Variants in DUSP16 observed in about 807,000 individuals in gnomAD.
The protein encoded by DUSP16 is dual specificity protein phosphatase 16.
A neutral mutation model predicts 58.3 loss-of-function variants in DUSP16; 21 were observed. The ratio of observed to expected loss-of-function variants is 0.36; its 90% confidence interval spans 0.26 to 0.52. The LOEUF is 0.52. Ranked by LOEUF, DUSP16 falls within the 20% of genes least tolerant of loss-of-function variation. The pLI, the probability that DUSP16 is intolerant of heterozygous loss-of-function variation, is 0.94. For missense variants in DUSP16, 726 were observed against 819.0 expected (o/e 0.89, Z 1.39); for synonymous variants, 320 against 323.8 (o/e 0.99, Z 0.12).
intron 3 of DUSP16, among the ~76,000 whole-genome samples, chr12:12,507,180 A>G (rs979061746): frequency 2.0e-5 from 3 of 152,252 alleles, no homozygotes; most frequent in African/African-American, 4.8e-5. Flanking sequence ...AAATGAAAGT[A>G]TATTTACATA....
At chr12:12,494,531 T>G (rs1055242623) in intron 4 of DUSP16, among the ~76,000 whole-genome samples, 7 of 152,048 alleles carry the variant, frequency 4.6e-5, no homozygotes, top group African/African-American at 1.7e-4. Context: ...AAAATGGCAG[T>G]GGAAAACAGG....
chr12:12,494,282 T>C (rs16908167), intron 4 of DUSP16, among the ~76,000 whole-genome samples: 9,713 of 152,292 alleles, frequency 0.064, 440 homozygotes, highest in East Asian at 0.18. Flanking sequence ...GAAGGTGTGT[T>C]TACTTAATGT....
chr12:12,481,143 G>T lies in DUSP16; in HGVS notation c.692-797C>A, dbSNP rs149759731. Among the ~76,000 whole-genome samples the T allele has an allele frequency of 2.6e-3, 393 of 152,324 alleles. 1 individual carries two copies. The highest frequency in any genetic ancestry group is 4.3e-3 in the Non-Finnish European group (294 of 68,028). The stretch of plus-strand genomic sequence containing the variant: ...CAGGTCACTTTAATGAGATCCAAGA[G>T]AACTTTTATCCCTTCCTTGATACCA... On this transcript the variant is annotated intron_variant, in intron 5 of 6. Coordinates refer to ENST00000298573, the MANE Select transcript of DUSP16 (RefSeq NM_030640.3).
At chr12:12,511,761 A>G (rs1302539225) in intron 3 of DUSP16, among the ~76,000 whole-genome samples, 1 of 151,962 alleles carries the variant, frequency 6.6e-6, no homozygotes, top group Non-Finnish European at 1.5e-5. Context: ...CTTTTCCAAT[A>G]TCTTCACCCC....
At position 12,500,559 on chromosome 12, in the gene DUSP16, G is replaced by A; in HGVS notation, c.491C>T (p.Pro164Leu). 1 of 1,611,848 alleles carries A rather than the reference G, an allele frequency of 6.2e-7. No homozygotes were observed. Among genetic ancestry groups the A allele is most frequent in the Non-Finnish European group, 8.5e-7 (1 of 1,179,106 alleles). Residue 164 changes from proline to leucine, a missense_variant, in exon 4 of 7, where the codon CCC becomes CTC. Pro to Leu is a moderately conservative substitution (Grantham distance 98, BLOSUM62 -3). Coordinates refer to ENST00000298573, the MANE Select transcript of DUSP16 (RefSeq NM_030640.3). ...TCGCTGGCAGCCAAGATAAAGATTG[G>A]GAAGAATTCGGGTTGGCCCAATGTT... is the stretch of plus-strand genomic sequence containing the variant. ...VANIGPTRIL[P>L]NLYLGCQRDV...
intron 5 of DUSP16, among the ~76,000 whole-genome samples, chr12:12,485,033 A>G (rs1328595808): frequency 6.9e-6 from 1 of 145,150 alleles, no homozygotes; most frequent in Admixed American, 6.9e-5. Context: ...TTTTTGAGAT[A>G]GAGTTTCACT....
At chr12:12,520,830 G>A (rs1407698745) in intron 2 of DUSP16, 41 bp downstream of exon 2, 3 of 1,600,570 alleles carry the variant, frequency 1.9e-6, no homozygotes, top group Non-Finnish European at 2.6e-6. Flanking sequence ...CTCATTCAGT[G>A]TGTCCATTTA....
chr12:12,549,777 A>T (rs1415979205), intron 1 of DUSP16, among the ~76,000 whole-genome samples: 9 of 59,924 alleles, frequency 1.5e-4, no homozygotes, highest in Admixed American at 1.3e-3. Context: ...CTTTTTTATT[A>T]AAAAAAAAAA....
At chr12:12,499,473 A>G (rs1943879097) in intron 4 of DUSP16, among the ~76,000 whole-genome samples, 1 of 152,214 alleles carries the variant, frequency 6.6e-6, no homozygotes, top group African/African-American at 2.4e-5. Flanking sequence ...TTGAAAAGGC[A>G]GGAGTTTTAA....
chr12:12,498,163 C>T (rs1481011758), intron 4 of DUSP16, among the ~76,000 whole-genome samples: 3 of 151,942 alleles, frequency 2.0e-5, no homozygotes, highest in Non-Finnish European at 4.4e-5. Context: ...GTATAAATCA[C>T]GAAGTTCAGC....
chr12:12,485,651 C>T (rs890646156), intron 5 of DUSP16, among the ~76,000 whole-genome samples: 8 of 152,102 alleles, frequency 5.3e-5, no homozygotes, highest in Non-Finnish European at 1.2e-4. Flanking sequence ...GGCGGGACCA[C>T]AGGTGCACTG....
intron 1 of DUSP16, among the ~76,000 whole-genome samples, chr12:12,532,700 C>G (rs2136243160): frequency 6.6e-6 from 1 of 152,236 alleles, no homozygotes; most frequent in East Asian, 1.9e-4. Context: ...GTTATCCTAG[C>G]ACTTTGGGAG....
chr12:12,507,529 C>T (rs1476199414), intron 3 of DUSP16, among the ~76,000 whole-genome samples: 4 of 152,144 alleles, frequency 2.6e-5, no homozygotes, highest in African/African-American at 9.7e-5. Flanking sequence ...AAGTCATATG[C>T]AAATTTAACT....
intron 1 of DUSP16, among the ~76,000 whole-genome samples, chr12:12,524,803 T>C (rs911774193): frequency 2.0e-5 from 3 of 148,580 alleles, no homozygotes; most frequent in African/African-American, 7.4e-5. Context: ...TATATTCATA[T>C]GGTTCAAAAA....
At position 12,475,064 on chromosome 12, in the gene DUSP16, T is replaced by G. The variant is rs1288616525; in HGVS notation, c.*1769A>C. 2 of 152,154 alleles carry G rather than the reference T, an allele frequency of 1.3e-5. No homozygotes were observed. The highest frequency in any genetic ancestry group is 4.8e-5 in the African/African-American group (2 of 41,424). The allele number at this position is 152,154 out of a possible 1,614,324, so 9.4% of individuals were successfully genotyped here. On this transcript the variant is annotated 3_prime_UTR_variant, in exon 7 of 7. Coordinates refer to ENST00000298573, the MANE Select transcript of DUSP16 (RefSeq NM_030640.3). ...TCCCCATAACCAAGTCGGTCTGTGT[T>G]GAGTCATATCATTCTGTGCTGGTTT...
At chr12:12,547,531 TAAAAAAAAAAAAAAA>T (rs761142479) in intron 1 of DUSP16, among the ~76,000 whole-genome samples, 2 of 66,656 alleles carry the variant, frequency 3.0e-5, no homozygotes, top group Non-Finnish European at 5.9e-5. Context: ...TGAGTAGGCT[TAAAAAAAAAAAAAAA>T]AAAAAAAAAA....
At chr12:12,502,852 T>A (rs913863502) in intron 3 of DUSP16, among the ~76,000 whole-genome samples, 2 of 152,152 alleles carry the variant, frequency 1.3e-5, no homozygotes, top group African/African-American at 2.4e-5. Flanking sequence ...TCCAGCCACA[T>A]AAAACTCATT....
chr12:12,483,858 A>G (rs1202334471), intron 5 of DUSP16, among the ~76,000 whole-genome samples: 2 of 152,170 alleles, frequency 1.3e-5, no homozygotes, highest in Non-Finnish European at 2.9e-5. Context: ...ACAACAAAAA[A>G]GAAAAAATCA....
chr12:12,503,149 AT>A (rs1242680174), intron 3 of DUSP16, among the ~76,000 whole-genome samples: 1 of 151,700 alleles, frequency 6.6e-6, no homozygotes, highest in African/African-American at 2.4e-5. Flanking sequence ...AGTTGTTGAG[AT>A]AATTAGTTAG....
Sources: allele counts gnomAD v4.1 joint callset (sites outside exome capture counted in the v4.1 genomes callset), GRCh38; gene constraint gnomAD v4.1.1; transcripts MANE v1.5; gene names NCBI Gene and HGNC (gene_info 2026-07-23, HGNC 2026-07-21).